LIMS1: variants seen among roughly 807,000 people sequenced by gnomAD.
LIMS1 encodes LIM zinc finger domain containing 1, also known as LIM and senescent cell antigen-like-containing domain protein 1.
Under a neutral mutation model 44.1 loss-of-function variants are expected in LIMS1, and 18 were observed. The observed-to-expected ratio is 0.41, with a 90% CI of 0.28 to 0.61. The LOEUF (loss-of-function observed/expected upper bound fraction) is 0.61. Among genes scored for constraint, LIMS1 ranks in the 20% least tolerant of loss-of-function variants. The pLI, the probability that LIMS1 is intolerant of heterozygous loss-of-function variation, is 0.32. For missense variants in LIMS1, 201 were observed against 422.0 expected (o/e 0.48, Z 4.59); for synonymous variants, 93 against 149.1 (o/e 0.62, Z 2.74).
intron 1 of LIMS1, among the ~76,000 whole-genome samples, chr2:108,630,058 G>A (rs556260284): frequency 6.6e-6 from 1 of 152,216 alleles, no homozygotes; most frequent in South Asian, 2.1e-4. Flanking sequence ...GCCAAGCGTG[G>A]TGGCGTGCAC....
rs187795872 is a variant in LIMS1, at chr2:108,643,838, C to G, written c.33-15767C>G. 3.2e-4 allele frequency among the ~76,000 whole-genome samples: 49 copies of G among 152,270 alleles called. 1 individual carries two copies. In the East Asian group the frequency reaches 9.5e-3, roughly 29 times the overall value. ...TGCTCCAGCTTGGTTGGGGAAGGGG[C>G]GTCTGCCATTGCTAAGGCTTGAGTA... On this transcript the variant is annotated intron_variant, in intron 1 of 9. Coordinates refer to ENST00000544547, the Ensembl canonical transcript of LIMS1.
chr2:108,639,302 G>T (rs1351368997), intron 1 of LIMS1, among the ~76,000 whole-genome samples: 1 of 152,168 alleles, frequency 6.6e-6, no homozygotes, highest in African/African-American at 2.4e-5. Context: ...AGAAAAAAAA[G>T]GGACAGTGGT....
chr2:108,621,569 T>C, intron 1 of LIMS1: 1 of 775,472 alleles, frequency 1.3e-6, no homozygotes, highest in Non-Finnish European at 2.2e-6. Context: ...CATTGAAAAG[T>C]AGCCTCTTAG....
At chr2:108,602,179 C>T (rs898076402) in intron 1 of LIMS1, among the ~76,000 whole-genome samples, 2 of 152,138 alleles carry the variant, frequency 1.3e-5, no homozygotes, top group African/African-American at 4.8e-5. Context: ...CTGAATTTAT[C>T]AACTCTAATA....
At chr2:108,632,368 A>G (rs1472484028) in intron 1 of LIMS1, among the ~76,000 whole-genome samples, 2 of 152,204 alleles carry the variant, frequency 1.3e-5, no homozygotes, top group African/African-American at 4.8e-5. Context: ...CAGTGATTTC[A>G]TCTGCTAAAT....
chr2:108,612,031 C>T (rs866197995), intron 1 of LIMS1, among the ~76,000 whole-genome samples: 2,123 of 68,738 alleles, frequency 0.031, 93 homozygotes, highest in South Asian at 0.15. Flanking sequence ...CACACATATA[C>T]ACACACACAC....
intron 1 of LIMS1, among the ~76,000 whole-genome samples, chr2:108,564,412 G>A (rs1685225993): frequency 6.6e-6 from 1 of 152,094 alleles, no homozygotes; most frequent in Non-Finnish European, 1.5e-5. Flanking sequence ...CTCCATTGTG[G>A]TGGTCTGAAA....
chr2:108,673,124 T>C, intron 5 of LIMS1, 95 bp downstream of exon 5: 2 of 1,492,678 alleles, frequency 1.3e-6, no homozygotes, highest in Non-Finnish European at 1.8e-6. Flanking sequence ...AAATTGTTTT[T>C]CTCCAATTTT....
At chr2:108,629,768 C>T (rs769184842) in intron 1 of LIMS1, among the ~76,000 whole-genome samples, 1 of 152,204 alleles carries the variant, frequency 6.6e-6, no homozygotes, top group Non-Finnish European at 1.5e-5. Flanking sequence ...GAAACAAAGT[C>T]AGTGATTCTC....
intron 1 of LIMS1, among the ~76,000 whole-genome samples, chr2:108,633,699 AG>A (rs1433471121): frequency 2.6e-5 from 4 of 152,270 alleles, no homozygotes; most frequent in Non-Finnish European, 5.9e-5. Context: ...TGGTTGGCCC[AG>A]AGTCATACAA....
intron 1 of LIMS1, among the ~76,000 whole-genome samples, chr2:108,619,707 A>C (rs188079214): frequency 0.02 from 3,056 of 152,256 alleles, 61 homozygotes; most frequent in African/African-American, 0.047. Context: ...AAACAAAACA[A>C]AAAGAATTGG....
chr2:108,574,093 A>ATGTGTGGATTTTGCT (rs1685584467), intron 1 of LIMS1, among the ~76,000 whole-genome samples: 1 of 151,862 alleles, frequency 6.6e-6, no homozygotes, highest in African/African-American at 2.4e-5. Context: ...GGTGGAATTT[A>ATGTGTGGATTTTGCT]TGTGTGGATT....
chr2:108,570,597 A>AT (rs1401973105), intron 1 of LIMS1, among the ~76,000 whole-genome samples: 1 of 152,112 alleles, frequency 6.6e-6, no homozygotes, highest in African/African-American at 2.4e-5. Context: ...CAAACAGAAG[A>AT]TAAAAAAAGC....
intron 1 of LIMS1, among the ~76,000 whole-genome samples, chr2:108,658,789 T>G (rs1227025930): frequency 2.0e-5 from 3 of 152,308 alleles, no homozygotes; most frequent in Non-Finnish European, 2.9e-5. Flanking sequence ...TCCTAACCTA[T>G]GAAACGTGGT....
At chr2:108,551,015 G>A (rs1573309726) in intron 1 of LIMS1, among the ~76,000 whole-genome samples, 2 of 151,702 alleles carry the variant, frequency 1.3e-5, no homozygotes, top group Admixed American at 1.3e-4. Flanking sequence ...TGTAGTCCCA[G>A]CTGATTGGGA....
At chr2:108,602,798 G>T (rs1687080390) in intron 1 of LIMS1, among the ~76,000 whole-genome samples, 1 of 152,094 alleles carries the variant, frequency 6.6e-6, no homozygotes, top group Non-Finnish European at 1.5e-5. Context: ...ACAGGGTCTT[G>T]CTGTGTCACC....
At chr2:108,682,794 A>G (rs939243813) in intron 9 of LIMS1, among the ~76,000 whole-genome samples, 1 of 152,212 alleles carries the variant, frequency 6.6e-6, no homozygotes, top group Non-Finnish European at 1.5e-5. Context: ...AAATATCAGC[A>G]GATTTTATAA....
chr2:108,613,352 A>C (rs563780285), intron 1 of LIMS1, among the ~76,000 whole-genome samples: 1 of 152,310 alleles, frequency 6.6e-6, no homozygotes, highest in East Asian at 1.9e-4. Context: ...AGATTAAGGC[A>C]ACATGAAGTA....
At chr2:108,615,104 G>T (rs1160595867) in intron 1 of LIMS1, among the ~76,000 whole-genome samples, 1 of 142,864 alleles carries the variant, frequency 7.0e-6, no homozygotes, top group Non-Finnish European at 1.6e-5. Flanking sequence ...TATAGTTGGT[G>T]GTCAGGCAGA....
Sources: gnomAD v4.1 joint callset for allele counts (sites outside exome capture counted in the v4.1 genomes callset) on GRCh38, gnomAD v4.1.1 for gene constraint, MANE v1.5 for transcripts, NCBI Gene and HGNC (gene_info 2026-07-23, HGNC 2026-07-21) for gene names.